SLC24A3: variants seen among roughly 807,000 people sequenced by gnomAD.
SLC24A3 encodes the protein solute carrier family 24 member 3.
A neutral mutation model predicts 75.8 loss-of-function variants in SLC24A3; 28 were observed. The observed-to-expected ratio is 0.37, with a 90% CI of 0.27 to 0.51. The LOEUF (loss-of-function observed/expected upper bound fraction) is 0.51. Among genes scored for constraint, SLC24A3 ranks in the 20% least tolerant of loss-of-function variants. The pLI is 0.94. For missense variants in SLC24A3, 663 were observed against 847.8 expected (o/e 0.78, Z 2.71); for synonymous variants, 372 against 334.1 (o/e 1.11, Z -1.24).
intron 2 of SLC24A3, among the ~76,000 whole-genome samples, chr20:19,433,963 G>A (rs969262109): frequency 1.3e-5 from 2 of 152,188 alleles, no homozygotes; most frequent in Non-Finnish European, 2.9e-5. Flanking sequence ...GTGAGCTCTG[G>A]ATTGATTGGT....
At chr20:19,355,255 C>T (rs1007584619) in intron 2 of SLC24A3, 4 of 152,092 alleles carry the variant, frequency 2.6e-5, no homozygotes, top group African/African-American at 9.7e-5. Context: ...TTTGGAGGCC[C>T]CCTCGCAGAC....
intron 2 of SLC24A3, among the ~76,000 whole-genome samples, chr20:19,303,378 A>G (rs1984244762): frequency 6.6e-6 from 1 of 152,148 alleles, no homozygotes; most frequent in Admixed American, 6.5e-5. Flanking sequence ...TCCATAGTGT[A>G]TATGTGCCAC....
chr20:19,225,578 C>G (rs1430102081), intron 1 of SLC24A3, among the ~76,000 whole-genome samples: 1 of 152,168 alleles, frequency 6.6e-6, no homozygotes, highest in African/African-American at 2.4e-5. Flanking sequence ...AAAAACCCCC[C>G]TCAAGCTACC....
At chr20:19,679,374 G>C (rs1206630597) in intron 9 of SLC24A3, among the ~76,000 whole-genome samples, 1 of 152,236 alleles carries the variant, frequency 6.6e-6, no homozygotes, top group East Asian at 1.9e-4. Flanking sequence ...GTGGCGGCAC[G>C]CACCTGCAAT....
chr20:19,510,417 A>G (rs1988519291), intron 2 of SLC24A3, among the ~76,000 whole-genome samples: 2 of 152,164 alleles, frequency 1.3e-5, no homozygotes, highest in African/African-American at 4.8e-5. Flanking sequence ...TTATGTGTGT[A>G]TAAGTTATGG....
intron 2 of SLC24A3, among the ~76,000 whole-genome samples, chr20:19,395,839 G>A (rs1986444177): frequency 6.6e-6 from 1 of 152,192 alleles, no homozygotes; most frequent in South Asian, 2.1e-4. Flanking sequence ...AAGAGTTCAT[G>A]CCTGTGTTTC....
intron 3 of SLC24A3, among the ~76,000 whole-genome samples, chr20:19,579,220 A>G (rs1384724848): frequency 1.3e-5 from 2 of 152,140 alleles, no homozygotes; most frequent in Non-Finnish European, 2.9e-5. Flanking sequence ...TTGAGTGGTC[A>G]GTCAACACTG....
intron 1 of SLC24A3, among the ~76,000 whole-genome samples, chr20:19,230,515 A>G (rs763641179): frequency 2.1e-4 from 32 of 152,000 alleles, no homozygotes; most frequent in Non-Finnish European, 3.7e-4. Flanking sequence ...CCTCTTTTCT[A>G]TTAATCTCCA....
intron 2 of SLC24A3, among the ~76,000 whole-genome samples, chr20:19,338,082 ATGT>A (rs759637145): frequency 2.6e-5 from 4 of 152,212 alleles, no homozygotes; most frequent in African/African-American, 7.2e-5. Flanking sequence ...GAAGAAAAAA[ATGT>A]TGTAATTATC....
At chr20:19,639,374 C>A (rs2032041981) in intron 6 of SLC24A3, among the ~76,000 whole-genome samples, 1 of 152,044 alleles carries the variant, frequency 6.6e-6, no homozygotes, top group Admixed American at 6.5e-5. Flanking sequence ...TTCTCCAAGG[C>A]CCCACAAGAG....
At chr20:19,465,555 A>G (rs1987751091) in intron 2 of SLC24A3, among the ~76,000 whole-genome samples, 1 of 152,180 alleles carries the variant, frequency 6.6e-6, no homozygotes, top group African/African-American at 2.4e-5. Context: ...CCATTATATT[A>G]GTGATTCTAT....
chr20:19,224,707 G>A (rs1981829020), intron 1 of SLC24A3, among the ~76,000 whole-genome samples: 1 of 152,056 alleles, frequency 6.6e-6, no homozygotes, highest in African/African-American at 2.4e-5. Flanking sequence ...AAACTCTTGG[G>A]GACCATTGAA....
At chr20:19,555,565 A>C (rs1207246544) in intron 3 of SLC24A3, among the ~76,000 whole-genome samples, 5 of 152,186 alleles carry the variant, frequency 3.3e-5, no homozygotes, top group Admixed American at 3.3e-4. Flanking sequence ...ACTTAAAGAG[A>C]TCTGCTTCTG....
At chr20:19,465,254 AGAACTGG>A (rs966748572) in intron 2 of SLC24A3, among the ~76,000 whole-genome samples, 2 of 152,160 alleles carry the variant, frequency 1.3e-5, no homozygotes, top group African/African-American at 4.8e-5. Flanking sequence ...GGGAGGGTGG[AGAACTGG>A]GAACTCCTGA....
At chr20:19,706,096 G>GTC (rs927835033) in intron 15 of SLC24A3, among the ~76,000 whole-genome samples, 28 of 152,174 alleles carry the variant, frequency 1.8e-4, no homozygotes, top group African/African-American at 4.1e-4. Flanking sequence ...GAGGGTGTCT[G>GTC]TCTCTCTCTC....
intron 2 of SLC24A3, among the ~76,000 whole-genome samples, chr20:19,305,925 C>G (rs973528678): frequency 1.3e-5 from 2 of 152,178 alleles, no homozygotes; most frequent in Non-Finnish European, 2.9e-5. Flanking sequence ...AATAAACTAT[C>G]AACAGAGTAA....
chr20:19,626,185 T>C (rs77412389), intron 6 of SLC24A3, among the ~76,000 whole-genome samples: 11,777 of 152,228 alleles, frequency 0.077, 620 homozygotes, highest in Non-Finnish European at 0.1. Context: ...GAAACCACAT[T>C]CCAAGCTCTA....
chr20:19,314,595 G>A (rs761003160), intron 2 of SLC24A3, among the ~76,000 whole-genome samples: 5 of 152,282 alleles, frequency 3.3e-5, no homozygotes, highest in South Asian at 2.1e-4. Flanking sequence ...GATTACAGGC[G>A]TGAGCTACTG....
chr20:19,453,049 C>T (rs1000787003), intron 2 of SLC24A3, among the ~76,000 whole-genome samples: 12 of 152,008 alleles, frequency 7.9e-5, no homozygotes, highest in African/African-American at 1.2e-4. Flanking sequence ...TGCGTGGTGG[C>T]GGGCGCCTGT....
Sources: allele counts gnomAD v4.1 joint callset (sites outside exome capture counted in the v4.1 genomes callset), GRCh38; gene constraint gnomAD v4.1.1; transcripts MANE v1.5; gene names NCBI Gene and HGNC (gene_info 2026-07-23, HGNC 2026-07-21).